The following UBE2L6 variants were observed in gnomAD, a reference collection of about 807,000 sequenced individuals.
The protein encoded by UBE2L6 is ubiquitin/ISG15-conjugating enzyme E2 L6.
Under a neutral mutation model 13.6 loss-of-function variants are expected in UBE2L6, and 11 were observed. The ratio of observed to expected loss-of-function variants is 0.81; its 90% confidence interval spans 0.51 to 1.34. The LOEUF (loss-of-function observed/expected upper bound fraction) is 1.34, where lower values mean the gene tolerates loss of function less well. UBE2L6 is among the 40% of genes most tolerant of loss of function. The pLI, the probability that UBE2L6 is intolerant of heterozygous loss-of-function variation, is 0.00. For missense variants in UBE2L6, 197 were observed against 199.5 expected (o/e 0.99, Z 0.07); for synonymous variants, 74 against 83.2 (o/e 0.89, Z 0.60).
intron 2 of UBE2L6, among the ~76,000 whole-genome samples, chr11:57,559,034 C>T (rs1008100721): frequency 3.9e-5 from 6 of 152,200 alleles, no homozygotes; most frequent in Non-Finnish European, 1.5e-5. Flanking sequence ...CAAACGAGAC[C>T]TTTCCTAGGT....
chr11:57,552,236 A>T lies in UBE2L6; in HGVS notation c.*122T>A. ...CACCACACACACACACAAACTAATG[A>T]CTAACAACCTAAGAAGGGAAAAATG... On this transcript the variant is annotated 3_prime_UTR_variant, in exon 4 of 4. Transcript: ENST00000287156. The T allele has an allele frequency of 7.3e-7, 1 of 1,368,910 alleles. No homozygotes were observed. Among genetic ancestry groups the T allele is most frequent in the Non-Finnish European group, 1.0e-6 (1 of 989,260 alleles). 84.8% of individuals were successfully genotyped at this position (1,368,910 alleles called of 1,614,324 possible).
chr11:57,556,144 G>A (rs943382863), intron 2 of UBE2L6, among the ~76,000 whole-genome samples: 5 of 152,128 alleles, frequency 3.3e-5, no homozygotes, highest in Non-Finnish European at 5.9e-5. Flanking sequence ...CACAGACTCC[G>A]GAGCCACCCT....
At chr11:57,565,274 G>T (rs979509509) in intron 1 of UBE2L6, among the ~76,000 whole-genome samples, 9 of 145,734 alleles carry the variant, frequency 6.2e-5, no homozygotes, top group Middle Eastern at 7.1e-3. Context: ...AAGGGAGAGA[G>T]AAAGAAAGAA....
At chr11:57,567,049 C>T (rs759756825) in intron 1 of UBE2L6, 8 of 454,678 alleles carry the variant, frequency 1.8e-5, no homozygotes, top group South Asian at 1.1e-4. Flanking sequence ...TCCAGGTCCA[C>T]CTCCGCATCT....
Position 57,552,335 on chromosome 11 carries a change from T to C in UBE2L6, c.*23A>G, listed in dbSNP as rs1180201185. 6 of 1,613,524 alleles carry C rather than the reference T, an allele frequency of 3.7e-6. No homozygotes were observed. In the African/African-American group the frequency reaches 8.0e-5, roughly 22 times the overall value. On this transcript the variant is annotated 3_prime_UTR_variant, in exon 4 of 4. Transcript: ENST00000287156. ...TCCGTCCGCTATGCCGAGGATCCAGTGCACAGAGGGTCAGAACATGAGTTA... is the reference window on the plus strand; with the variant it reads ...TCCGTCCGCTATGCCGAGGATCCAGCGCACAGAGGGTCAGAACATGAGTTA...
At chr11:57,562,627 C>T (rs552450286) in intron 1 of UBE2L6, among the ~76,000 whole-genome samples, 3 of 152,302 alleles carry the variant, frequency 2.0e-5, no homozygotes, top group Admixed American at 6.5e-5. Context: ...GAGCTCAGCA[C>T]GGAGAGTAAG....
Position 57,554,636 on chromosome 11 carries a change from A to G in UBE2L6, c.124-13T>C. ...AGGGAGGTTGGTCCTGTGCAGAGAGAAAAGGGGTCAAGCTCCAGTCTGGTT... is the reference window on the plus strand; with the variant it reads ...AGGGAGGTTGGTCCTGTGCAGAGAGGAAAGGGGTCAAGCTCCAGTCTGGTT... On this transcript the variant is annotated splice_polypyrimidine_tract_variant and intron_variant, in intron 2 of 3. Transcript: ENST00000287156. 1.9e-6 allele frequency: 3 copies of G among 1,613,648 alleles called. No individual in the cohort carries two copies. Among genetic ancestry groups the G allele is most frequent in the Non-Finnish European group, 2.5e-6 (3 of 1,179,824 alleles).
intron 2 of UBE2L6, among the ~76,000 whole-genome samples, chr11:57,559,603 C>G (rs1478576696): frequency 1.3e-5 from 2 of 151,648 alleles, no homozygotes; most frequent in Non-Finnish European, 2.9e-5. Flanking sequence ...CAGTAAGACT[C>G]TGTCTCAAAA....
At chr11:57,563,008 C>T (rs1200894320) in intron 1 of UBE2L6, among the ~76,000 whole-genome samples, 1 of 152,104 alleles carries the variant, frequency 6.6e-6, no homozygotes, top group African/African-American at 2.4e-5. Context: ...AAATAAGGCA[C>T]ACAGGGCCAA....
At chr11:57,559,837 C>G (rs1030030094) in intron 2 of UBE2L6, among the ~76,000 whole-genome samples, 1 of 152,068 alleles carries the variant, frequency 6.6e-6, no homozygotes, top group African/African-American at 2.4e-5. Context: ...GAGACTTTAT[C>G]AAGAAAATAC....
At chr11:57,557,765 G>C (rs946370129) in intron 2 of UBE2L6, among the ~76,000 whole-genome samples, 1 of 152,082 alleles carries the variant, frequency 6.6e-6, no homozygotes, top group Non-Finnish European at 1.5e-5. Context: ...ACTCAGCCTC[G>C]GGTATTCCTT....
intron 1 of UBE2L6, chr11:57,566,942 T>TTCCCCC: frequency 1.0e-5 from 2 of 193,392 alleles, no homozygotes; most frequent in South Asian, 2.7e-5. Flanking sequence ...TGTTCATCTC[T>TTCCCCC]GCCCGCCCCC....
rs531428564 is a variant in UBE2L6 at position 57,559,565 on chromosome 11, G to A, written c.123+772C>T. ...GTGGAGGTTGCAGGAAACGAACATC[G>A]CATCACTGCACTCCAGCCTGGGTGA... On this transcript the variant is annotated intron_variant, in intron 2 of 3. Transcript: ENST00000287156. Among the ~76,000 whole-genome samples the A allele has an allele frequency of 1.4e-4, 21 of 151,866 alleles. 1 individual carries two copies. The highest frequency in any genetic ancestry group is 9.2e-4 in the Admixed American group (14 of 15,256).
intron 2 of UBE2L6, 152 bp from the exon 3 acceptor site, chr11:57,554,775 G>A (rs1484413286): frequency 2.3e-6 from 2 of 855,810 alleles, no homozygotes; most frequent in Non-Finnish European, 3.6e-6. Flanking sequence ...ATTGAGTCAT[G>A]GATTAGTGAA....
chr11:57,551,740 C>T lies in UBE2L6; in HGVS notation c.*618G>A, dbSNP rs1187828969. 6.6e-6 allele frequency: 1 copy of T among 152,668 alleles called. No homozygotes were observed. Among genetic ancestry groups the T allele is most frequent in the East Asian group, 1.9e-4 (1 of 5,204 alleles). 9.5% of individuals were successfully genotyped at this position (152,668 alleles called of 1,614,324 possible). A position where few individuals can be genotyped will look rare whatever the true frequency, so the allele number is the denominator to read the frequency against. ...TGGACTGAATGCTGGAGGATATATA[C>T]TTCACAGTCTGAGGCCTGGTCCCAG... is the stretch of plus-strand genomic sequence containing the variant. On this transcript the variant is annotated 3_prime_UTR_variant, in exon 4 of 4. Coordinates refer to ENST00000287156, the MANE Select transcript of UBE2L6 (RefSeq NM_004223.5).
chr11:57,566,721 C>G (rs925149116), intron 1 of UBE2L6, among the ~76,000 whole-genome samples: 1 of 152,124 alleles, frequency 6.6e-6, no homozygotes, highest in Admixed American at 6.6e-5. Context: ...CTTCCTAGAG[C>G]CTGCCCCTCC....
chr11:57,556,458 C>T (rs1944997882), intron 2 of UBE2L6, among the ~76,000 whole-genome samples: 1 of 151,736 alleles, frequency 6.6e-6, no homozygotes, highest in Admixed American at 6.6e-5. Context: ...GTGGTGCATG[C>T]CTGTAATATC....
chr11:57,562,415 G>A (rs1590810767), intron 1 of UBE2L6, among the ~76,000 whole-genome samples: 1 of 152,248 alleles, frequency 6.6e-6, no homozygotes, highest in African/African-American at 2.4e-5. Context: ...CACCCTAAGG[G>A]GAAGAACACA....
intron 1 of UBE2L6, among the ~76,000 whole-genome samples, chr11:57,565,249 G>C (rs1945079222): frequency 6.7e-6 from 1 of 150,322 alleles, no homozygotes. Flanking sequence ...TCTTAAGGAA[G>C]GAAGGAAGGA....
Sources: allele counts gnomAD v4.1 joint callset (sites outside exome capture counted in the v4.1 genomes callset), GRCh38; gene constraint gnomAD v4.1.1; transcripts MANE v1.5; gene names NCBI Gene and HGNC (gene_info 2026-07-23, HGNC 2026-07-21).